The following XDH variants were observed in gnomAD, a reference collection of about 807,000 sequenced individuals.
The protein encoded by XDH is xanthine dehydrogenase/oxidase.
Under a neutral mutation model 156.1 loss-of-function variants are expected in XDH, and 138 were observed. That is an observed-to-expected ratio of 0.88 (90% CI 0.77 to 1.02). The LOEUF (loss-of-function observed/expected upper bound fraction) is 1.02. XDH is among the 50% of genes least tolerant of loss of function. XDH has a pLI of 0.00. For synonymous variants in XDH, 669 were observed against 625.7 expected, an observed-to-expected ratio of 1.07 and a Z score of -1.03; for missense variants, 1,849 against 1,684.9, an observed-to-expected ratio of 1.10 and a Z score of -1.71.
In XDH at chr2:31,401,422, A is replaced by C. The variant is rs971369732; in HGVS notation, c.198-94T>G. The stretch of plus-strand genomic sequence containing the variant: ...GCTCTGGAGGACTTTGTGAGGCTTT[A>C]TGTTACGTCTCTCCGCTCCCATTTA... On this transcript the variant is annotated intron_variant, in intron 3 of 35. Coordinates refer to ENST00000379416, the MANE Select transcript of XDH (RefSeq NM_000379.4). The C allele has an allele frequency of 2.4e-6, 3 of 1,265,084 alleles. No homozygotes were observed. In the African/African-American group the frequency reaches 4.4e-5, roughly 19 times the overall value. The allele number at this position is 1,265,084 out of a possible 1,614,324, so 78.4% of individuals were successfully genotyped here.
At chr2:31,411,314 C>T (rs1189998349) in intron 1 of XDH, among the ~76,000 whole-genome samples, 3 of 150,246 alleles carry the variant, frequency 2.0e-5, no homozygotes, top group African/African-American at 7.3e-5. Context: ...TATATTTATT[C>T]TTAGGATAAG....
chr2:31,338,753 T>C lies in XDH; in HGVS notation c.3774+736A>G, dbSNP rs1258268831. ...TTTTTTTTTTTTTTGAGACAGAGTC[T>C]CGCTCTGTCGCCCAGGCTGGGGTGC... On this transcript the variant is annotated intron_variant, in intron 34 of 35. Coordinates refer to ENST00000379416, the MANE Select transcript of XDH (RefSeq NM_000379.4). Among the ~76,000 whole-genome samples the C allele has an allele frequency of 4.3e-5, 5 of 115,202 alleles. No individual in the cohort carries two copies. In the East Asian group the frequency reaches 1.5e-3, roughly 35 times the overall value. 75.6% of individuals were successfully genotyped at this position (115,202 alleles called of 152,430 possible).
rs777123723 is a variant in XDH at position 31,373,894 on chromosome 2, T to TG, written c.1664dup (p.Ala556SerfsTer15). 3 of 1,613,904 alleles carry TG rather than the reference T, an allele frequency of 1.9e-6. No individual in the cohort carries two copies. Among genetic ancestry groups the TG allele is most frequent in the African/African-American group, 1.3e-5 (1 of 75,044 alleles). ...TCACTTGGAAGAGCTGGACATCGGC[T>TG]GGGGGGTCTTTCTGAAACAGTAAAG... On this transcript the variant is annotated frameshift_variant, in exon 16 of 36. Coordinates refer to ENST00000379416, the MANE Select transcript of XDH (RefSeq NM_000379.4). LOFTEE classifies it high-confidence loss of function.
chr2:31,357,874 T>G (rs1041709439), intron 24 of XDH, among the ~76,000 whole-genome samples: 1 of 152,066 alleles, frequency 6.6e-6, no homozygotes, highest in African/African-American at 2.4e-5. Flanking sequence ...AAACAAAACA[T>G]TTTTAAATGA....
intron 14 of XDH, 52 bp from the exon 15 acceptor site, chr2:31,375,606 CT>C (rs1489065229): frequency 6.3e-7 from 1 of 1,593,010 alleles, no homozygotes; most frequent in South Asian, 1.1e-5. Flanking sequence ...CTCCAGACCC[CT>C]TTGTGTAGAG....
intron 9 of XDH, among the ~76,000 whole-genome samples, chr2:31,384,556 C>T (rs766357047): frequency 1.2e-4 from 18 of 152,176 alleles, no homozygotes; most frequent in Non-Finnish European, 2.5e-4. Flanking sequence ...GAGTCAGAAG[C>T]CTCTGTTAAA....
Position 31,403,046 on chromosome 2 carries a change from A to G in XDH, c.197+2T>C. On this transcript the variant is annotated splice_donor_variant, in intron 3 of 35. Coordinates refer to ENST00000379416, the MANE Select transcript of XDH (RefSeq NM_000379.4). LOFTEE classifies it high-confidence loss of function. Reference sequence around the variant, plus strand: ...GGTGGTCAGCCAGCAGGCAAAGGATACACGATCTTGTTCTGCAGACGATCA... The same window carrying G: ...GGTGGTCAGCCAGCAGGCAAAGGATGCACGATCTTGTTCTGCAGACGATCA... 1 of 1,614,094 alleles carries G rather than the reference A, an allele frequency of 6.2e-7. No homozygotes were observed. Among genetic ancestry groups the G allele is most frequent in the East Asian group, 2.2e-5 (1 of 44,862 alleles).
chr2:31,341,359 G>T lies in XDH; in HGVS notation c.3555C>A (p.Ser1185=). The change falls in exon 33 of 36, where the codon TCC becomes TCA. Residue 1185 remains serine, a synonymous_variant. Coordinates refer to ENST00000379416, the MANE Select transcript of XDH (RefSeq NM_000379.4). ...CAATATCAATGGCAGGGTTTAGACT[G>T]GAGCCAACATCCATGACAATATCTG... is the stretch of plus-strand genomic sequence containing the variant. The part of the protein sequence containing the change: ...LRTDIVMDVG[S]SLNPAIDIGQ... 1 of 1,579,690 alleles carries T rather than the reference G, an allele frequency of 6.3e-7. No individual in the cohort carries two copies.
At position 31,401,279 on chromosome 2, in the gene XDH, C is replaced by A; in HGVS notation, c.247G>T (p.Val83Phe). The A allele has an allele frequency of 6.2e-7, 1 of 1,614,208 alleles. No individual in the cohort carries two copies. The highest frequency in any genetic ancestry group is 8.5e-7 in the Non-Finnish European group (1 of 1,180,022). ...ATTCCTTCCACAGTTGTCACTGCAA[C>A]ATGGTGCAAGGAGCAGATGGGGGCC... ...CLAPICSLHHVAVTTVEGIGS... is the reference protein window; with the variant it reads ...CLAPICSLHHFAVTTVEGIGS... Residue 83 changes from valine to phenylalanine, a missense_variant, in exon 4 of 36, where the codon GTT becomes TTT. Transcript: ENST00000379416.
chr2:31,361,224 C>T (rs925977383), intron 24 of XDH, among the ~76,000 whole-genome samples: 19 of 152,256 alleles, frequency 1.2e-4, no homozygotes, highest in Non-Finnish European at 2.1e-4. Flanking sequence ...GCAATCTTTA[C>T]TATTCCAACT....
Position 31,398,657 on chromosome 2 carries a change from T to A in XDH, c.349A>T (p.Thr117Ser), listed in dbSNP as rs556797607. ...KSHGSQCGFC[T>S]PGIVMSMYTL... ...TACATACTCATGACGATGCCAGGGGTGCAGAACCCGCACTGGGAGCCGTGG... is the reference window on the plus strand; with the variant it reads ...TACATACTCATGACGATGCCAGGGGAGCAGAACCCGCACTGGGAGCCGTGG... Residue 117 changes from threonine (T) to serine (S), a missense_variant, in exon 5 of 36, where the codon ACC becomes TCC. Thr to Ser is a moderately conservative substitution (Grantham distance 58, BLOSUM62 1). Transcript: ENST00000379416. The A allele has an allele frequency of 2.0e-4, 317 of 1,614,116 alleles. No individual in the cohort carries two copies. Among genetic ancestry groups the A allele is most frequent in the Non-Finnish European group, 2.5e-4 (291 of 1,179,980 alleles).
Position 31,379,879 on chromosome 2 carries a change from G to A in XDH, c.1230C>T (p.Pro410=). ...TCCAACATCTCACCTCCCTGCTGTA[G>A]GGGATCTCTATGGAGAGCAGTATCT... ...PEEILLSIEI[P]YSREGEYFSA... is the part of the protein sequence containing the mutation. The change falls in exon 13 of 36, where the codon CCC becomes CCT. Residue 410 remains proline (P), a synonymous_variant. Coordinates refer to ENST00000379416, the MANE Select transcript of XDH (RefSeq NM_000379.4). The A allele has an allele frequency of 1.2e-6, 2 of 1,614,152 alleles. No individual in the cohort carries two copies. The highest frequency in any genetic ancestry group is 1.7e-6 in the Non-Finnish European group (2 of 1,180,010).
At chr2:31,367,253 T>C (rs932301970) in intron 20 of XDH, among the ~76,000 whole-genome samples, 1 of 152,192 alleles carries the variant, frequency 6.6e-6, no homozygotes, top group East Asian at 1.9e-4. Context: ...AGTTCTCTTC[T>C]CACTGCAGCT....
At position 31,383,262 on chromosome 2, in the gene XDH, C is replaced by T. The variant is rs1572551127; in HGVS notation, c.887-110G>A. 8 of 1,536,632 alleles carry T rather than the reference C, an allele frequency of 5.2e-6. No individual in the cohort carries two copies. In the South Asian group the frequency reaches 7.0e-5, roughly 13 times the overall value. On this transcript the variant is annotated intron_variant, in intron 10 of 35. Transcript: ENST00000379416. ...CAACTGGAGCAAGGCTGAATCAGGA[C>T]TCACAGCTTTCCATGGATGAGGAAA...
chr2:31,387,095 A>T (rs4952239), intron 8 of XDH, among the ~76,000 whole-genome samples: 102,539 of 151,304 alleles, frequency 0.68, 35,293 homozygotes, highest in African/African-American at 0.78. Flanking sequence ...GCTTGCAGGA[A>T]GACACTGGGC....
At chr2:31,376,321 G>C (rs1405272388) in intron 14 of XDH, among the ~76,000 whole-genome samples, 1 of 150,150 alleles carries the variant, frequency 6.7e-6, no homozygotes, top group Non-Finnish European at 1.5e-5. Context: ...AATAATAGTA[G>C]TAACAGAAGC....
intron 2 of XDH, among the ~76,000 whole-genome samples, chr2:31,403,499 T>C (rs1346092179): frequency 6.6e-6 from 1 of 152,144 alleles, no homozygotes; most frequent in Non-Finnish European, 1.5e-5. Flanking sequence ...CACCTGAGCA[T>C]ACGGGGCAGT....
chr2:31,370,147 C>T (rs921376852), intron 18 of XDH, among the ~76,000 whole-genome samples: 1 of 152,186 alleles, frequency 6.6e-6, no homozygotes, highest in African/African-American at 2.4e-5. Flanking sequence ...ATAGAGACAT[C>T]CTGCCATGTA....
chr2:31,370,507 G>T (rs1334411459), intron 17 of XDH, 29 bp from the exon 18 acceptor site: 2 of 1,613,684 alleles, frequency 1.2e-6, no homozygotes, highest in African/African-American at 1.3e-5. Flanking sequence ...TGAGGGGCCA[G>T]GTCAGCAAGC....
Sources: gnomAD v4.1 joint callset for allele counts (sites outside exome capture counted in the v4.1 genomes callset) on GRCh38, gnomAD v4.1.1 for gene constraint, MANE v1.5 for transcripts, NCBI Gene and HGNC (gene_info 2026-07-23, HGNC 2026-07-21) for gene names.